Variants in NTRK2 observed in about 807,000 individuals in gnomAD.
NTRK2 encodes the protein BDNF/NT-3 growth factors receptor.
NTRK2 carries 13 observed loss-of-function variants against 94.5 expected under a neutral mutation model. The ratio of observed to expected loss-of-function variants is 0.14; its 90% CI spans 0.09 to 0.22. The LOEUF (loss-of-function observed/expected upper bound fraction) is 0.22. Among genes scored for constraint, NTRK2 ranks in the 10% least tolerant of loss-of-function variants. The probability of loss-of-function intolerance (pLI) is 1.00; values close to 1 mark genes in which losing one functional copy is unlikely to be tolerated. For synonymous variants in NTRK2, 372 were observed against 407.4 expected, an observed-to-expected ratio of 0.91 and a Z score of 1.05; for missense variants, 639 against 1,071.2, an observed-to-expected ratio of 0.60 and a Z score of 5.63.
chr9:84,683,876 G>T (rs374392963), intron 2 of NTRK2, among the ~76,000 whole-genome samples: 1 of 152,048 alleles, frequency 6.6e-6, no homozygotes, highest in Non-Finnish European at 1.5e-5. Context: ...TTTAAGAATC[G>T]CCATTCTGAC....
intron 12 of NTRK2, among the ~76,000 whole-genome samples, chr9:84,808,070 ACTT>A (rs1207242991): frequency 2.6e-5 from 4 of 152,062 alleles, no homozygotes; most frequent in Admixed American, 6.5e-5. Context: ...GCTGAGATCT[ACTT>A]CTTTGGGAAG....
At chr9:84,796,595 G>C (rs1280518876) in intron 12 of NTRK2, among the ~76,000 whole-genome samples, 1 of 152,198 alleles carries the variant, frequency 6.6e-6, no homozygotes, top group Non-Finnish European at 1.5e-5. Context: ...TATTTCAAAA[G>C]ATGGTATTAA....
At chr9:84,918,614 A>T (rs1166590660) in intron 14 of NTRK2, among the ~76,000 whole-genome samples, 1 of 152,204 alleles carries the variant, frequency 6.6e-6, no homozygotes, top group East Asian at 1.9e-4. Context: ...TATGTTTTTT[A>T]ACAAACTCTT....
intron 5 of NTRK2, 53 bp from the exon 6 acceptor site, chr9:84,710,584 G>A (rs1298837226): frequency 1.3e-6 from 2 of 1,589,744 alleles, no homozygotes; most frequent in Non-Finnish European, 1.7e-6. Context: ...AAGCACTAAT[G>A]TAGCTAAAAT....
intron 16 of NTRK2, among the ~76,000 whole-genome samples, chr9:84,948,870 G>T (rs563014015): frequency 3.3e-5 from 5 of 152,182 alleles, no homozygotes; most frequent in Admixed American, 6.5e-5. Flanking sequence ...AATTCAGTCC[G>T]CATTCACTGA....
intron 17 of NTRK2, among the ~76,000 whole-genome samples, chr9:84,982,950 A>AT (rs1006666467): frequency 6.7e-5 from 10 of 150,176 alleles, no homozygotes; most frequent in East Asian, 1.9e-4. Context: ...GCAGTGGTGG[A>AT]TTTTTTTTTT....
chr9:84,972,880 A>G (rs1366176864), intron 17 of NTRK2, among the ~76,000 whole-genome samples: 1 of 152,180 alleles, frequency 6.6e-6, no homozygotes, highest in Admixed American at 6.5e-5. Context: ...ATATGAGCAG[A>G]TCTAGGTCCT....
intron 12 of NTRK2, among the ~76,000 whole-genome samples, chr9:84,793,111 G>T (rs180843883): frequency 3.0e-3 from 452 of 151,036 alleles, no homozygotes; most frequent in Non-Finnish European, 5.4e-3. Context: ...GTTGGTGGGG[G>T]TGGTTGCTGA....
chr9:84,996,823 C>G (rs1304476207), intron 17 of NTRK2, among the ~76,000 whole-genome samples: 1 of 152,226 alleles, frequency 6.6e-6, no homozygotes, highest in African/African-American at 2.4e-5. Context: ...AGCTTGTCCC[C>G]TACTTCAGGT....
chr9:84,970,216 G>A (rs1826026327), intron 17 of NTRK2, among the ~76,000 whole-genome samples: 1 of 152,076 alleles, frequency 6.6e-6, no homozygotes, highest in East Asian at 1.9e-4. Context: ...GGTCAACATG[G>A]CAAAACCCCT....
chr9:84,952,442 T>A (rs1353982205), intron 16 of NTRK2, among the ~76,000 whole-genome samples: 19 of 152,188 alleles, frequency 1.2e-4, no homozygotes, highest in Admixed American at 2.6e-4. Flanking sequence ...GGTGCTTTTT[T>A]TAATTTTGTT....
chr9:84,751,870 A>T (rs1239771252), intron 11 of NTRK2, 116 bp from the exon 12 acceptor site: 1 of 806,814 alleles, frequency 1.2e-6, no homozygotes, highest in Non-Finnish European at 2.2e-6. Context: ...AACAAGTGGT[A>T]AGCATTCAAT....
chr9:84,769,407 G>T (rs2066320922), intron 12 of NTRK2, among the ~76,000 whole-genome samples: 1 of 152,146 alleles, frequency 6.6e-6, no homozygotes. Context: ...AGTTAAGCCA[G>T]ATTTCCTTTC....
intron 14 of NTRK2, among the ~76,000 whole-genome samples, chr9:84,914,505 G>A (rs2077337359): frequency 2.0e-5 from 3 of 152,248 alleles, no homozygotes; most frequent in African/African-American, 7.2e-5. Context: ...AGGGGAAAGG[G>A]GGACTCTGAC....
intron 2 of NTRK2, among the ~76,000 whole-genome samples, chr9:84,685,491 G>T (rs567381782): frequency 2.6e-5 from 4 of 151,782 alleles, no homozygotes; most frequent in African/African-American, 9.7e-5. Flanking sequence ...TAGCTCCCCT[G>T]CTTGATAGTG....
chr9:85,007,379 CA>C (rs1831087295), intron 17 of NTRK2, among the ~76,000 whole-genome samples: 1 of 152,166 alleles, frequency 6.6e-6, no homozygotes, highest in African/African-American at 2.4e-5. Context: ...AGCACAAGAC[CA>C]GCAAAGTTGC....
At chr9:85,008,139 A>G (rs1831167830) in intron 17 of NTRK2, among the ~76,000 whole-genome samples, 1 of 151,880 alleles carries the variant, frequency 6.6e-6, no homozygotes, top group African/African-American at 2.4e-5. Context: ...TCAACCTGTT[A>G]GCAGAAGGGA....
chr9:84,833,282 C>T (rs2073679165), intron 12 of NTRK2, among the ~76,000 whole-genome samples: 9 of 152,126 alleles, frequency 5.9e-5, no homozygotes, highest in Admixed American at 5.2e-4. Flanking sequence ...CTGGGATCCA[C>T]ACTAGAGGAA....
intron 12 of NTRK2, chr9:84,812,685 C>G (rs2071940299): frequency 9.6e-7 from 1 of 1,042,236 alleles, no homozygotes; most frequent in Non-Finnish European, 1.2e-6. Flanking sequence ...ATTTTTAAAG[C>G]TTTTATGTTA....
Sources: gnomAD v4.1 joint callset for allele counts (sites outside exome capture counted in the v4.1 genomes callset) on GRCh38, gnomAD v4.1.1 for gene constraint, MANE v1.5 for transcripts, NCBI Gene and HGNC (gene_info 2026-07-23, HGNC 2026-07-21) for gene names.